The following DOCK4 variants were observed in gnomAD, a reference collection of about 807,000 sequenced individuals.
DOCK4 encodes dedicator of cytokinesis protein 4.
In DOCK4, 97 loss-of-function variants were observed where a neutral mutation model predicts 268.1. The ratio of observed to expected loss-of-function variants is 0.36; its 90% CI spans 0.31 to 0.43. The LOEUF is 0.43. DOCK4 is among the 20% of genes least tolerant of loss of function. The pLI, the probability that DOCK4 is intolerant of heterozygous loss-of-function variation, is 1.00. For synonymous variants in DOCK4, 954 were observed against 887.2 expected (o/e 1.08, Z -1.34); for missense variants, 2,145 against 2,455.7 (o/e 0.87, Z 2.67).
chr7:111,820,391 C>T (rs989450894), intron 27 of DOCK4: 1 of 152,230 alleles, frequency 6.6e-6, no homozygotes, highest in Non-Finnish European at 1.5e-5. Flanking sequence ...CCACATTTAG[C>T]AAAGGGTGAT....
chr7:111,986,094 G>A (rs1412303691), intron 6 of DOCK4, among the ~76,000 whole-genome samples: 1 of 152,176 alleles, frequency 6.6e-6, no homozygotes, highest in Non-Finnish European at 1.5e-5. Flanking sequence ...TGTACCATGG[G>A]TAAGCACCTG....
chr7:112,099,140 A>C lies in DOCK4; in HGVS notation c.38-95009T>G, dbSNP rs538199778. Among the ~76,000 whole-genome samples, 21 of 151,876 alleles carry C rather than the reference A, an allele frequency of 1.4e-4. No individual in the cohort carries two copies. In the South Asian group the frequency reaches 4.4e-3, roughly 32 times the overall value. On this transcript the variant is annotated intron_variant, in intron 1 of 52. Transcript: ENST00000428084. ...CCTCGTCTCTACAAAAAAATACAAAAATTTATCCGGGCTTGGTGGCACATG... is the reference window on the plus strand; with the variant it reads ...CCTCGTCTCTACAAAAAAATACAAACATTTATCCGGGCTTGGTGGCACATG...
At chr7:112,146,132 A>G (rs927405721) in intron 1 of DOCK4, among the ~76,000 whole-genome samples, 2 of 152,210 alleles carry the variant, frequency 1.3e-5, no homozygotes, top group African/African-American at 4.8e-5. Flanking sequence ...TTTTGTAGCA[A>G]GAACCTGAGG....
intron 25 of DOCK4, among the ~76,000 whole-genome samples, chr7:111,838,563 C>A (rs998861990): frequency 6.6e-6 from 1 of 151,938 alleles, no homozygotes; most frequent in Non-Finnish European, 1.5e-5. Context: ...CCTATGCCCC[C>A]CAAAAAACTA....
chr7:111,954,643 A>T (rs1001147695), intron 8 of DOCK4, among the ~76,000 whole-genome samples: 2 of 152,150 alleles, frequency 1.3e-5, no homozygotes, highest in Non-Finnish European at 2.9e-5. Context: ...GAAGATGGAG[A>T]GGGAGACTGT....
intron 1 of DOCK4, among the ~76,000 whole-genome samples, chr7:112,025,581 G>A (rs1220074467): frequency 6.6e-6 from 1 of 152,040 alleles, no homozygotes. Context: ...CCATTCAGGT[G>A]CCGGTATGAC....
intron 39 of DOCK4, among the ~76,000 whole-genome samples, chr7:111,761,757 C>T (rs576500997): frequency 7.9e-5 from 12 of 152,146 alleles, no homozygotes; most frequent in South Asian, 2.1e-4. Context: ...TAACCTACCT[C>T]GGTTCCCCAC....
intron 1 of DOCK4, among the ~76,000 whole-genome samples, chr7:112,024,117 G>C (rs1802568953): frequency 6.6e-6 from 1 of 152,130 alleles, no homozygotes; most frequent in African/African-American, 2.4e-5. Context: ...GTATCTTTGA[G>C]GAGATACAAG....
intron 1 of DOCK4, among the ~76,000 whole-genome samples, chr7:112,083,913 T>C (rs1728206013): frequency 1.3e-5 from 2 of 152,182 alleles, no homozygotes; most frequent in East Asian, 3.9e-4. Context: ...GGCTTAGTGA[T>C]TGACTTACTT....
chr7:112,125,617 G>A (rs903899554), intron 1 of DOCK4, among the ~76,000 whole-genome samples: 1 of 152,158 alleles, frequency 6.6e-6, no homozygotes, highest in Non-Finnish European at 1.5e-5. Flanking sequence ...AGTTTCACAA[G>A]ATATGTGACC....
chr7:111,853,864 AG>A (rs1804784849), intron 23 of DOCK4, among the ~76,000 whole-genome samples: 1 of 152,026 alleles, frequency 6.6e-6, no homozygotes, highest in African/African-American at 2.4e-5. Flanking sequence ...GAGCTCAAAA[AG>A]TTGCTTTTCC....
At chr7:111,790,747 C>T in intron 30 of DOCK4, 142 bp from the exon 31 acceptor site, 2 of 1,055,718 alleles carry the variant, frequency 1.9e-6, no homozygotes, top group Non-Finnish European at 2.6e-6. Flanking sequence ...ATATAATAAC[C>T]CATGAGATAC....
At chr7:111,856,766 T>C (rs911045085) in intron 23 of DOCK4, among the ~76,000 whole-genome samples, 1 of 151,900 alleles carries the variant, frequency 6.6e-6, no homozygotes, top group Non-Finnish European at 1.5e-5. Flanking sequence ...AGGGGTGAGA[T>C]AAAGGGATTG....
chr7:112,010,277 T>C lies in DOCK4; in HGVS notation c.38-6146A>G, dbSNP rs115330184. Among the ~76,000 whole-genome samples the C allele has an allele frequency of 8.5e-3, 1,292 of 152,148 alleles. 17 individuals are homozygous for C. The highest frequency in any genetic ancestry group is 0.029 in the African/African-American group (1,220 of 41,508). On this transcript the variant is annotated intron_variant, in intron 1 of 52. Transcript: ENST00000428084. ...ACATCAGTAGTCTATTTCAAGGTAC[T>C]TCCCTGTTTTCTAGCTGTCTGGGAC...
intron 15 of DOCK4, among the ~76,000 whole-genome samples, chr7:111,898,106 A>T (rs1450281955): frequency 6.6e-6 from 1 of 152,082 alleles, no homozygotes; most frequent in Non-Finnish European, 1.5e-5. Context: ...ACGTATCTTC[A>T]CTCCAAATCC....
At chr7:111,868,645 G>A (rs1806171978) in intron 21 of DOCK4, among the ~76,000 whole-genome samples, 1 of 151,926 alleles carries the variant, frequency 6.6e-6, no homozygotes, top group South Asian at 2.1e-4. Context: ...GGCAGGCGGA[G>A]GTTGCAGTGA....
At chr7:112,001,034 A>T (rs1366034692) in intron 2 of DOCK4, among the ~76,000 whole-genome samples, 2 of 152,218 alleles carry the variant, frequency 1.3e-5, no homozygotes, top group Non-Finnish European at 2.9e-5. Flanking sequence ...CATGACGTGA[A>T]TTGCACATCC....
intron 1 of DOCK4, among the ~76,000 whole-genome samples, chr7:112,038,464 C>G (rs1446552311): frequency 6.6e-6 from 1 of 152,176 alleles, no homozygotes; most frequent in Non-Finnish European, 1.5e-5. Context: ...ATGAAAGCAG[C>G]TGAGTGGTGA....
At chr7:112,106,809 C>T (rs1364284549) in intron 1 of DOCK4, among the ~76,000 whole-genome samples, 5 of 151,930 alleles carry the variant, frequency 3.3e-5, no homozygotes, top group South Asian at 2.1e-4. Context: ...ACCTTTTTTT[C>T]GACCTTGAGT....
Sources: gnomAD v4.1 joint callset for allele counts (sites outside exome capture counted in the v4.1 genomes callset) on GRCh38, gnomAD v4.1.1 for gene constraint, MANE v1.5 for transcripts, NCBI Gene and HGNC (gene_info 2026-07-23, HGNC 2026-07-21) for gene names.